Variants in ZNF804B observed in about 807,000 individuals in gnomAD.
ZNF804B encodes zinc finger protein 804B.
ZNF804B carries 80 observed loss-of-function variants against 101.4 expected under a neutral mutation model. That is an observed-to-expected ratio of 0.79 (90% CI 0.66 to 0.95). The LOEUF is 0.95. ZNF804B is among the 40% of genes least tolerant of loss of function. ZNF804B has a pLI of 0.00. For synonymous variants in ZNF804B, 622 were observed against 558.8 expected, an observed-to-expected ratio of 1.11 and a Z score of -1.59; for missense variants, 1,673 against 1,561.9, an observed-to-expected ratio of 1.07 and a Z score of -1.20.
In ZNF804B at chr7:88,810,114, C is replaced by G. The variant is rs186397536; in HGVS notation, c.108+50030C>G. 3.0e-3 allele frequency among the ~76,000 whole-genome samples: 455 copies of G among 152,192 alleles called. 7 individuals carry two copies. The South Asian group carries it at 0.033, about 11-fold the overall frequency. ...GTTCCGTGATGCTCCTCTGTAATTGCAATTGCGTACAGATGTGTTTAGTTT... is the reference window on the plus strand; with the variant it reads ...GTTCCGTGATGCTCCTCTGTAATTGGAATTGCGTACAGATGTGTTTAGTTT... On this transcript the variant is annotated intron_variant, in intron 1 of 3. Coordinates refer to ENST00000333190, the MANE Select transcript of ZNF804B (RefSeq NM_181646.5).
At chr7:89,014,539 A>G (rs1020119056) in intron 1 of ZNF804B, among the ~76,000 whole-genome samples, 4 of 152,054 alleles carry the variant, frequency 2.6e-5, no homozygotes, top group Admixed American at 6.6e-5. Flanking sequence ...AATGGTTTTG[A>G]TCTCCTGACC....
chr7:89,009,975 T>C (rs6945165), intron 1 of ZNF804B, among the ~76,000 whole-genome samples: 78,796 of 152,016 alleles, frequency 0.52, 21,403 homozygotes, highest in Middle Eastern at 0.64. Flanking sequence ...TTTTCCATTA[T>C]TTCCTCAGCT....
intron 1 of ZNF804B, among the ~76,000 whole-genome samples, chr7:89,149,301 G>A (rs1790835724): frequency 1.3e-5 from 2 of 152,014 alleles, no homozygotes; most frequent in South Asian, 2.1e-4. Flanking sequence ...TCTTGTCTTT[G>A]CAAGTAGGAT....
intron 2 of ZNF804B, among the ~76,000 whole-genome samples, chr7:89,307,401 T>C (rs1398919909): frequency 6.6e-6 from 1 of 152,026 alleles, no homozygotes; most frequent in Non-Finnish European, 1.5e-5. Flanking sequence ...ATATAAACAT[T>C]CTAAATTTGC....
intron 1 of ZNF804B, among the ~76,000 whole-genome samples, chr7:89,178,814 A>G (rs1161553947): frequency 3.9e-5 from 6 of 152,090 alleles, no homozygotes; most frequent in Admixed American, 1.3e-4. Context: ...TTTCTTTCAT[A>G]TTGAATAGCT....
At chr7:89,083,525 T>G (rs540216953) in intron 1 of ZNF804B, among the ~76,000 whole-genome samples, 16 of 132,464 alleles carry the variant, frequency 1.2e-4, no homozygotes, top group Non-Finnish European at 2.6e-4. Context: ...CCTAATAATT[T>G]TATAATATAT....
chr7:88,786,653 A>C (rs1232876662), intron 1 of ZNF804B, among the ~76,000 whole-genome samples: 2 of 152,052 alleles, frequency 1.3e-5, no homozygotes, highest in Admixed American at 6.6e-5. Context: ...ATTTAATATA[A>C]TTTATATGAC....
At chr7:89,199,513 A>G (rs557125721) in intron 1 of ZNF804B, among the ~76,000 whole-genome samples, 6 of 152,084 alleles carry the variant, frequency 3.9e-5, no homozygotes, top group African/African-American at 1.2e-4. Context: ...TATTTACTTG[A>G]ATTGTTTCTA....
At chr7:89,101,852 TC>T in intron 1 of ZNF804B, among the ~76,000 whole-genome samples, 1 of 152,016 alleles carries the variant, frequency 6.6e-6, no homozygotes, top group South Asian at 2.1e-4. Flanking sequence ...TTAATCCTCA[TC>T]CCCCTTCCTT....
intron 1 of ZNF804B, among the ~76,000 whole-genome samples, chr7:89,089,992 A>C (rs1399554899): frequency 3.9e-5 from 6 of 152,164 alleles, no homozygotes; most frequent in Non-Finnish European, 5.9e-5. Flanking sequence ...TTTTAAAAGT[A>C]GTTGTTACAT....
chr7:88,948,283 C>T lies in ZNF804B; in HGVS notation c.108+188199C>T, dbSNP rs140543714. Reference sequence around the variant, plus strand: ...AAGGTCGCCTCAGCACAGAAACAACCTTCGTGTACTAGCCACCCATCCATT... The same window carrying T: ...AAGGTCGCCTCAGCACAGAAACAACTTTCGTGTACTAGCCACCCATCCATT... On this transcript the variant is annotated intron_variant, in intron 1 of 3. Transcript: ENST00000333190. Among the ~76,000 whole-genome samples, 259 of 149,180 alleles carry T rather than the reference C, an allele frequency of 1.7e-3. 1 individual carries two copies. Among genetic ancestry groups the T allele is most frequent in the Non-Finnish European group, 2.8e-3 (188 of 67,478 alleles).
intron 1 of ZNF804B, among the ~76,000 whole-genome samples, chr7:89,020,408 A>G (rs996430474): frequency 6.6e-6 from 1 of 152,084 alleles, no homozygotes; most frequent in Non-Finnish European, 1.5e-5. Flanking sequence ...CTGACCTTTA[A>G]GATTTCTGCT....
intron 2 of ZNF804B, among the ~76,000 whole-genome samples, chr7:89,288,153 G>A (rs1407858293): frequency 6.6e-6 from 1 of 152,064 alleles, no homozygotes; most frequent in Non-Finnish European, 1.5e-5. Flanking sequence ...GTATGAAAGT[G>A]TAGTAATTTA....
chr7:88,946,998 TAA>T (rs1793143511), intron 1 of ZNF804B, among the ~76,000 whole-genome samples: 1 of 151,934 alleles, frequency 6.6e-6, no homozygotes, highest in Non-Finnish European at 1.5e-5. Flanking sequence ...GGGTGGTAAT[TAA>T]AAAGTCAGGA....
intron 1 of ZNF804B, among the ~76,000 whole-genome samples, chr7:89,105,072 T>C (rs1790115789): frequency 6.6e-6 from 1 of 152,120 alleles, no homozygotes; most frequent in African/African-American, 2.4e-5. Context: ...CTGATTTCAA[T>C]GGTTACTTGG....
In ZNF804B at chr7:88,969,867, A is replaced by C. The variant is rs73399400; in HGVS notation, c.108+209783A>C. Among the ~76,000 whole-genome samples the C allele has an allele frequency of 6.0e-3, 915 of 151,726 alleles. 8 individuals carry two copies. Among genetic ancestry groups the C allele is most frequent in the African/African-American group, 0.021 (867 of 41,484 alleles). ...TAAATTGCATAAATATTAGGGGTTT[A>C]AAAATTGTTTCGCTTAGTATTGTAA... On this transcript the variant is annotated intron_variant, in intron 1 of 3. Transcript: ENST00000333190.
intron 1 of ZNF804B, among the ~76,000 whole-genome samples, chr7:89,152,081 T>C (rs940792836): frequency 3.3e-5 from 5 of 152,158 alleles, no homozygotes; most frequent in Admixed American, 6.6e-5. Flanking sequence ...TACCCTGGTG[T>C]TCCTGTGATT....
chr7:89,332,954 A>T (rs1791010091), intron 3 of ZNF804B, among the ~76,000 whole-genome samples: 1 of 151,878 alleles, frequency 6.6e-6, no homozygotes, highest in South Asian at 2.1e-4. Context: ...AATTTAAAAA[A>T]ATTTTTATAT....
At chr7:88,989,545 G>C (rs185158908) in intron 1 of ZNF804B, among the ~76,000 whole-genome samples, 1 of 152,120 alleles carries the variant, frequency 6.6e-6, no homozygotes, top group African/African-American at 2.4e-5. Context: ...GCCTCAGAAT[G>C]CTCAGGCTTA....
Sources: allele counts gnomAD v4.1 joint callset (sites outside exome capture counted in the v4.1 genomes callset), GRCh38; gene constraint gnomAD v4.1.1; transcripts MANE v1.5; gene names NCBI Gene and HGNC (gene_info 2026-07-23, HGNC 2026-07-21).